Variants in GALNT17 observed in about 807,000 individuals in gnomAD.
GALNT17 encodes the protein UDP-GalNAc:polypeptide N-acetylgalactosaminyltransferase-like 3.
GALNT17 carries 29 observed loss-of-function variants against 63.7 expected under a neutral mutation model. That is an observed-to-expected ratio of 0.46 (90% CI 0.34 to 0.62). The LOEUF is 0.62. Among genes scored for constraint, GALNT17 ranks in the 20% least tolerant of loss-of-function variants. GALNT17 has a pLI of 0.01. For missense variants in GALNT17, 603 were observed against 799.6 expected, an observed-to-expected ratio of 0.75 and a Z score of 2.97; for synonymous variants, 305 against 318.3, an observed-to-expected ratio of 0.96 and a Z score of 0.45.
At chr7:71,186,787 A>G (rs1486927128) in intron 1 of GALNT17, among the ~76,000 whole-genome samples, 2 of 152,222 alleles carry the variant, frequency 1.3e-5, no homozygotes, top group Non-Finnish European at 2.9e-5. Flanking sequence ...CAACTCAGCT[A>G]TCTGGTCATG....
At chr7:71,463,231 A>G (rs745515912) in intron 5 of GALNT17, among the ~76,000 whole-genome samples, 1 of 152,150 alleles carries the variant, frequency 6.6e-6, no homozygotes, top group Non-Finnish European at 1.5e-5. Flanking sequence ...AAAACATCTT[A>G]AGTGATCCTT....
intron 5 of GALNT17, among the ~76,000 whole-genome samples, chr7:71,556,798 T>C (rs568585851): frequency 3.9e-4 from 60 of 152,150 alleles, no homozygotes; most frequent in Non-Finnish European, 7.5e-4. Flanking sequence ...ACTCCTGATC[T>C]CAGGTGATCC....
At chr7:71,361,240 TG>T (rs1192402300) in intron 2 of GALNT17, among the ~76,000 whole-genome samples, 2 of 152,018 alleles carry the variant, frequency 1.3e-5, no homozygotes, top group Non-Finnish European at 2.9e-5. Flanking sequence ...AAGAAACACC[TG>T]GGGGGGTGTC....
At chr7:71,415,090 G>T (rs1793501077) in intron 3 of GALNT17, among the ~76,000 whole-genome samples, 1 of 151,966 alleles carries the variant, frequency 6.6e-6, no homozygotes, top group South Asian at 2.1e-4. Context: ...GCTCACTGCA[G>T]CCTCCTGAGT....
chr7:71,471,467 T>G lies in GALNT17; in HGVS notation c.962+50362T>G, dbSNP rs1787631975. Among the ~76,000 whole-genome samples the G allele has an allele frequency of 2.0e-5, 3 of 146,906 alleles. 1 individual carries two copies. In the South Asian group the frequency reaches 6.4e-4, roughly 31 times the overall value. On this transcript the variant is annotated intron_variant, in intron 5 of 10. Coordinates refer to ENST00000333538, the MANE Select transcript of GALNT17 (RefSeq NM_022479.3). ...TCTACAAAGCATATTTTGTGTAAAATAGATTCTATAGGCAATTAATGCAAG... is the reference window on the plus strand; with the variant it reads ...TCTACAAAGCATATTTTGTGTAAAAGAGATTCTATAGGCAATTAATGCAAG...
chr7:71,143,132 A>G (rs1787947496), intron 1 of GALNT17, among the ~76,000 whole-genome samples: 1 of 151,404 alleles, frequency 6.6e-6, no homozygotes, highest in East Asian at 2.0e-4. Context: ...GAAGAAATGG[A>G]TGCTCTTGGC....
chr7:71,309,088 C>T (rs934826200), intron 1 of GALNT17, among the ~76,000 whole-genome samples: 1 of 152,054 alleles, frequency 6.6e-6, no homozygotes, highest in Non-Finnish European at 1.5e-5. Flanking sequence ...AGCTCAAATC[C>T]TTTTGAGTCT....
chr7:71,296,673 A>G (rs1306398839), intron 1 of GALNT17, among the ~76,000 whole-genome samples: 3 of 151,512 alleles, frequency 2.0e-5, no homozygotes, highest in African/African-American at 4.8e-5. Context: ...GCATACATAT[A>G]TATGTATATA....
chr7:71,500,993 A>G (rs565820648), intron 5 of GALNT17, among the ~76,000 whole-genome samples: 11 of 152,144 alleles, frequency 7.2e-5, no homozygotes, highest in African/African-American at 2.7e-4. Context: ...TTTTTGAGAC[A>G]GATTCTTACT....
intron 2 of GALNT17, among the ~76,000 whole-genome samples, chr7:71,374,423 C>T (rs948300405): frequency 6.6e-5 from 10 of 152,238 alleles, no homozygotes; most frequent in Non-Finnish European, 1.5e-4. Flanking sequence ...GGCCGCCTTT[C>T]TGCTCCTTGT....
chr7:71,366,161 T>A (rs1214009500), intron 2 of GALNT17, among the ~76,000 whole-genome samples: 1 of 152,042 alleles, frequency 6.6e-6, no homozygotes, highest in African/African-American at 2.4e-5. Context: ...AGGCTGTAAA[T>A]ACAGAAGAAG....
chr7:71,478,122 T>C (rs1187163396), intron 5 of GALNT17, among the ~76,000 whole-genome samples: 2 of 152,198 alleles, frequency 1.3e-5, no homozygotes. Context: ...CCGTAACTTA[T>C]GTTTACGTCT....
chr7:71,226,645 A>G lies in GALNT17; in HGVS notation c.238+93605A>G, dbSNP rs979660002. ...CAGGTATGCACCACCATGCCCAGCTAATTTTTGTATTTTTAGTACAGATAC... is the reference window on the plus strand; with the variant it reads ...CAGGTATGCACCACCATGCCCAGCTGATTTTTGTATTTTTAGTACAGATAC... On this transcript the variant is annotated intron_variant, in intron 1 of 10. Transcript: ENST00000333538. 7.2e-5 allele frequency among the ~76,000 whole-genome samples: 11 copies of G among 152,096 alleles called. No individual in the cohort carries two copies. The South Asian group carries it at 1.9e-3, about 26-fold the overall frequency.
intron 5 of GALNT17, among the ~76,000 whole-genome samples, chr7:71,469,259 A>T (rs377488565): frequency 8.5e-5 from 13 of 152,278 alleles, no homozygotes; most frequent in African/African-American, 3.1e-4. Flanking sequence ...AGTCCCAAAG[A>T]TCTGAGTTCA....
At position 71,416,023 on chromosome 7, in the gene GALNT17, A is replaced by G. The variant is rs746787936; in HGVS notation, c.724A>G (p.Thr242Ala). ...EGWKVATGQVTGFFDAHVEFT... is the reference protein window; with the variant it reads ...EGWKVATGQVAGFFDAHVEFT... ...CTGGAAGGTGGCTACCGGGCAGGTC[A>G]CTGGCTTCTTTGATGCCCACGTGGA... is the stretch of plus-strand genomic sequence containing the variant. The change falls in exon 4 of 11, where the codon ACT (threonine) becomes GCT (alanine). Residue 242 changes from threonine (T) to alanine (A), a missense_variant. This residue lies in a region of GALNT17 where 336 missense variants were observed against 507.8 expected (regional missense o/e 0.66). Coordinates refer to ENST00000333538, the MANE Select transcript of GALNT17 (RefSeq NM_022479.3). 3.1e-6 allele frequency: 5 copies of G among 1,613,380 alleles called. No homozygotes were observed. The highest frequency in any genetic ancestry group is 3.3e-5 in the Admixed American group (2 of 59,922).
chr7:71,670,001 C>G lies in GALNT17; in HGVS notation c.1296C>G (p.Ser432=), dbSNP rs766680813. The G allele has an allele frequency of 1.2e-6, 2 of 1,613,878 alleles. No individual in the cohort carries two copies. The highest frequency in any genetic ancestry group is 1.7e-6 in the Non-Finnish European group (2 of 1,179,978). Residue 432 remains serine, a synonymous_variant, in exon 8 of 11, where the codon TCC becomes TCG. Coordinates refer to ENST00000333538, the MANE Select transcript of GALNT17 (RefSeq NM_022479.3). ...ENPGIDIGDV[S]ERRALRKSLK... ...CGGGAATTGACATCGGTGATGTCTCCGAAAGAAGAGCATTAAGGAAAAGTT... is the reference window on the plus strand; with the variant it reads ...CGGGAATTGACATCGGTGATGTCTCGGAAAGAAGAGCATTAAGGAAAAGTT...
chr7:71,261,887 A>G (rs1790391576), intron 1 of GALNT17, among the ~76,000 whole-genome samples: 1 of 152,172 alleles, frequency 6.6e-6, no homozygotes, highest in Non-Finnish European at 1.5e-5. Flanking sequence ...ATGGAAAATG[A>G]TGGTGTTTCT....
At chr7:71,690,682 T>G (rs1309288961) in intron 9 of GALNT17, among the ~76,000 whole-genome samples, 1 of 152,176 alleles carries the variant, frequency 6.6e-6, no homozygotes, top group Non-Finnish European at 1.5e-5. Flanking sequence ...AAGACCAAAA[T>G]AGCAACATGA....
chr7:71,147,517 C>T (rs1046848814), intron 1 of GALNT17, among the ~76,000 whole-genome samples: 2 of 152,224 alleles, frequency 1.3e-5, no homozygotes, highest in African/African-American at 4.8e-5. Context: ...TGACAACACC[C>T]TCACAGACAC....
Sources: gnomAD v4.1 joint callset for allele counts (sites outside exome capture counted in the v4.1 genomes callset) on GRCh38, gnomAD v4.1.1 for gene constraint, gnomAD v4.1.1 regional missense constraint, MANE v1.5 for transcripts, NCBI Gene and HGNC (gene_info 2026-07-23, HGNC 2026-07-21) for gene names.